The following DSCAML1 variants were observed in gnomAD, a reference collection of about 807,000 sequenced individuals.
DSCAML1 encodes the protein cell adhesion molecule DSCAML1.
Under a neutral mutation model 200.5 loss-of-function variants are expected in DSCAML1, and 38 were observed. The observed-to-expected ratio is 0.19, with a 90% CI of 0.15 to 0.25. The LOEUF is 0.25. Among genes scored for constraint, DSCAML1 ranks in the 10% least tolerant of loss-of-function variants. DSCAML1 has a pLI of 1.00. For missense variants in DSCAML1, 2,223 were observed against 2,858.8 expected (o/e 0.78, Z 5.07); for synonymous variants, 1,215 against 1,165.0 (o/e 1.04, Z -0.87).
At chr11:117,684,647 G>A (rs1211609186) in intron 3 of DSCAML1, among the ~76,000 whole-genome samples, 14 of 152,054 alleles carry the variant, frequency 9.2e-5, no homozygotes. Flanking sequence ...CTTTGTGCTA[G>A]TTCTTCTGTT....
intron 3 of DSCAML1, among the ~76,000 whole-genome samples, chr11:117,758,014 C>T (rs11216533): frequency 8.2e-6 from 1 of 122,238 alleles, no homozygotes. Context: ...AACAAACAAA[C>T]AAAAATGGTC....
At chr11:117,684,977 A>C (rs1031269324) in intron 3 of DSCAML1, among the ~76,000 whole-genome samples, 14 of 152,232 alleles carry the variant, frequency 9.2e-5, no homozygotes, top group African/African-American at 3.4e-4. Flanking sequence ...CTGTCATGGG[A>C]AAACTTGGCA....
At chr11:117,559,603 C>G (rs1278108438) in intron 3 of DSCAML1, among the ~76,000 whole-genome samples, 1 of 152,112 alleles carries the variant, frequency 6.6e-6, no homozygotes, top group African/African-American at 2.4e-5. Flanking sequence ...TTTGGTGCCC[C>G]GCAATACGTG....
intron 3 of DSCAML1, among the ~76,000 whole-genome samples, chr11:117,679,359 G>C (rs1027702054): frequency 6.6e-5 from 10 of 152,232 alleles, no homozygotes; most frequent in Non-Finnish European, 1.5e-4. Flanking sequence ...TCCCCAGAGA[G>C]GGTCAGGGGA....
At chr11:117,759,647 A>G (rs1029567106) in intron 3 of DSCAML1, among the ~76,000 whole-genome samples, 3 of 152,102 alleles carry the variant, frequency 2.0e-5, no homozygotes, top group Non-Finnish European at 2.9e-5. Flanking sequence ...TCTCTTGTCT[A>G]CAGGCTGCAG....
At chr11:117,624,736 G>A (rs1259309097) in intron 3 of DSCAML1, among the ~76,000 whole-genome samples, 2 of 152,078 alleles carry the variant, frequency 1.3e-5, no homozygotes, top group Non-Finnish European at 2.9e-5. Flanking sequence ...GGAGAGACCT[G>A]GTAAGCCCTG....
Position 117,656,107 on chromosome 11 carries a change from G to A in DSCAML1, c.511+120684C>T, listed in dbSNP as rs192576892. Among the ~76,000 whole-genome samples the A allele has an allele frequency of 1.7e-3, 265 of 152,334 alleles. 1 individual carries two copies. Among genetic ancestry groups the A allele is most frequent in the African/African-American group, 6.1e-3 (252 of 41,576 alleles). The stretch of plus-strand genomic sequence containing the variant: ...ACAAAAATTAGCTGGGCGTGGTGGC[G>A]TACGCCTGTAATCTCAGCCACTCGG... On this transcript the variant is annotated intron_variant, in intron 3 of 32. Coordinates refer to ENST00000651296, the MANE Select transcript of DSCAML1 (RefSeq NM_020693.4).
chr11:117,673,097 G>A (rs1283460886), intron 3 of DSCAML1, among the ~76,000 whole-genome samples: 1 of 152,122 alleles, frequency 6.6e-6, no homozygotes, highest in African/African-American at 2.4e-5. Context: ...CTGTGGACAA[G>A]CTGTAAACCC....
rs1468022185 is a variant in DSCAML1, at chr11:117,437,063, CT to C, written c.4720+58del. On this transcript the variant is annotated intron_variant, in intron 26 of 32. Transcript: ENST00000651296. This position sits in a 1 kb window ranked among gnomAD's most constrained non-coding sequence, Gnocchi z 5.3. ...CTTTATGTATCTGCCACTCTGCCCACTTCCTTCGCACCACCCTGCTCCAGCC... is the reference window on the plus strand; with the variant it reads ...CTTTATGTATCTGCCACTCTGCCCACTCCTTCGCACCACCCTGCTCCAGCC... 45 of 1,556,720 alleles carry C rather than the reference CT, an allele frequency of 2.9e-5. 1 individual carries two copies. In the Middle Eastern group the frequency reaches 5.2e-4, roughly 18 times the overall value.
At chr11:117,624,512 T>G (rs933009166) in intron 3 of DSCAML1, among the ~76,000 whole-genome samples, 1 of 152,164 alleles carries the variant, frequency 6.6e-6, no homozygotes, top group Non-Finnish European at 1.5e-5. Flanking sequence ...TTGGCCCTTT[T>G]GGGTTTTGTG....
intron 1 of DSCAML1, among the ~76,000 whole-genome samples, chr11:117,781,018 C>T (rs567614465): frequency 6.6e-6 from 1 of 152,260 alleles, no homozygotes; most frequent in East Asian, 1.9e-4. Context: ...CCACAGCCTT[C>T]GGGTGCGGCG....
chr11:117,488,380 G>A (rs1373811231), intron 11 of DSCAML1, among the ~76,000 whole-genome samples: 1 of 152,176 alleles, frequency 6.6e-6, no homozygotes, highest in African/African-American at 2.4e-5. Flanking sequence ...AGATCTCTCT[G>A]CTTCATTGAG....
At chr11:117,593,967 C>A (rs995857077) in intron 3 of DSCAML1, among the ~76,000 whole-genome samples, 2 of 152,146 alleles carry the variant, frequency 1.3e-5, no homozygotes, top group African/African-American at 4.8e-5. Context: ...CCCGCCTCAG[C>A]CTTCCAAAGT....
At position 117,532,438 on chromosome 11, in the gene DSCAML1, A is replaced by T. The variant is rs1284106077; in HGVS notation, c.596T>A (p.Ile199Asn). ...CTCCCCGCTATACTTGTGCTTGGTG[A>T]TGCAGCGATAGGTGGAGAGGGCGTC... is the stretch of plus-strand genomic sequence containing the variant. ...KEDALSTYRC[I>N]TKHKYSGETR... The change falls in exon 4 of 33, where the codon ATC becomes AAC. Residue 199 changes from isoleucine (I) to asparagine (N), a missense_variant. Physicochemically the swap from Ile to Asn is moderately radical, Grantham distance 149. This residue lies in a region of DSCAML1 where 579 missense variants were observed against 721.5 expected (regional missense o/e 0.80). Transcript: ENST00000651296. The T allele has an allele frequency of 3.1e-6, 5 of 1,614,138 alleles. No homozygotes were observed. Among genetic ancestry groups the T allele is most frequent in the Non-Finnish European group, 4.2e-6 (5 of 1,180,034 alleles).
At chr11:117,751,666 A>G (rs749680524) in intron 3 of DSCAML1, among the ~76,000 whole-genome samples, 12 of 152,138 alleles carry the variant, frequency 7.9e-5, no homozygotes, top group Non-Finnish European at 1.6e-4. Flanking sequence ...AGCCAGCAAC[A>G]CATCCTGAAA....
At chr11:117,472,174 G>T in intron 14 of DSCAML1, 138 bp from the exon 15 acceptor site, 1 of 915,878 alleles carries the variant, frequency 1.1e-6, no homozygotes, top group Non-Finnish European at 1.7e-6. Flanking sequence ...GAGGGCACAG[G>T]CCTGAACAAC....
In DSCAML1 at chr11:117,780,157, G is replaced by GAA. The variant is rs1457751595; in HGVS notation, c.364+335_364+336insTT. On this transcript the variant is annotated intron_variant, in intron 2 of 32. Coordinates refer to ENST00000651296, the MANE Select transcript of DSCAML1 (RefSeq NM_020693.4). The surrounding 1 kb of genome is among the most constrained non-coding windows in gnomAD (Gnocchi z 4.8). ...GCAAAAAGAAAGAGAGAGAGAGAGAGAGAAAGAAAGAAAGAAAAAAAGAAA... is the reference window on the plus strand; with the variant it reads ...GCAAAAAGAAAGAGAGAGAGAGAGAGAAAGAAAGAAAGAAAGAAAAAAAGAAA... 1.4e-5 allele frequency among the ~76,000 whole-genome samples: 2 copies of GAA among 139,996 alleles called. No individual in the cohort carries two copies. The highest frequency in any genetic ancestry group is 1.5e-4 in the Admixed American group (2 of 13,628). The allele number at this position is 139,996 out of a possible 152,430, so 91.8% of individuals were successfully genotyped here.
intron 3 of DSCAML1, among the ~76,000 whole-genome samples, chr11:117,600,737 G>A (rs938813248): frequency 2.0e-5 from 3 of 152,238 alleles, no homozygotes; most frequent in African/African-American, 7.2e-5. Flanking sequence ...TGGTAGCCGT[G>A]CCACGTGGCT....
intron 3 of DSCAML1, among the ~76,000 whole-genome samples, chr11:117,737,729 G>A (rs2054344526): frequency 6.6e-6 from 1 of 152,210 alleles, no homozygotes; most frequent in Non-Finnish European, 1.5e-5. Context: ...TGGGCCTTGG[G>A]AAGCCTTCAC....
Sources: allele counts gnomAD v4.1 joint callset (sites outside exome capture counted in the v4.1 genomes callset), GRCh38; gene constraint gnomAD v4.1.1; regional missense constraint gnomAD v4.1.1; non-coding constraint Gnocchi (gnomAD v3.1); transcripts MANE v1.5; gene names NCBI Gene and HGNC (gene_info 2026-07-23, HGNC 2026-07-21).